Variants in EPHA4 observed in about 807,000 individuals in gnomAD.
EPHA4 encodes ephrin type-A receptor 4.
Under a neutral mutation model 108.3 loss-of-function variants are expected in EPHA4, and 19 were observed. That is an observed-to-expected ratio of 0.18 (90% confidence interval 0.12 to 0.26). The LOEUF is 0.26. EPHA4 is among the 10% of genes least tolerant of loss of function. EPHA4 has a pLI of 1.00. For missense variants in EPHA4, 917 were observed against 1,254.0 expected (o/e 0.73, Z 4.06); for synonymous variants, 449 against 455.5 (o/e 0.99, Z 0.18).
intron 5 of EPHA4, among the ~76,000 whole-genome samples, chr2:221,464,886 T>C (rs3770168): frequency 0.024 from 3,588 of 152,290 alleles, 91 homozygotes; most frequent in East Asian, 0.081. Flanking sequence ...TTGATTATTC[T>C]GAAATTGACA....
intron 13 of EPHA4, among the ~76,000 whole-genome samples, chr2:221,435,847 A>G (rs1010906259): frequency 2.6e-5 from 4 of 152,148 alleles, no homozygotes; most frequent in African/African-American, 9.7e-5. Context: ...TTTGGTAGCC[A>G]ACCAACTAGA....
chr2:221,535,974 C>T (rs1486315031), intron 3 of EPHA4, among the ~76,000 whole-genome samples: 2 of 152,188 alleles, frequency 1.3e-5, no homozygotes, highest in East Asian at 3.8e-4. Context: ...GTCTCTTCAA[C>T]CCCAGGGTGT....
intron 3 of EPHA4, among the ~76,000 whole-genome samples, chr2:221,512,705 T>C (rs1692865105): frequency 1.3e-5 from 2 of 152,360 alleles, no homozygotes; most frequent in South Asian, 4.1e-4. Context: ...AGCGTCATTA[T>C]GTAGAAATTT....
chr2:221,467,741 G>T (rs1257375374), intron 5 of EPHA4, among the ~76,000 whole-genome samples: 2 of 152,194 alleles, frequency 1.3e-5, no homozygotes, highest in African/African-American at 4.8e-5. Context: ...TGTCTTTGCT[G>T]CAGTTCAAGT....
chr2:221,536,561 T>C (rs1272138466), intron 3 of EPHA4, among the ~76,000 whole-genome samples: 2 of 152,312 alleles, frequency 1.3e-5, no homozygotes, highest in East Asian at 3.9e-4. Flanking sequence ...GAGGTAATAA[T>C]AAGTCCATGC....
At chr2:221,469,431 A>G (rs1691409625) in intron 5 of EPHA4, among the ~76,000 whole-genome samples, 2 of 152,188 alleles carry the variant, frequency 1.3e-5, no homozygotes. Flanking sequence ...CTCAGAGGAA[A>G]CCAACATTAG....
At chr2:221,544,125 G>A (rs1281662425) in intron 3 of EPHA4, among the ~76,000 whole-genome samples, 1 of 152,010 alleles carries the variant, frequency 6.6e-6, no homozygotes, top group Non-Finnish European at 1.5e-5. Flanking sequence ...CCAACCAAAG[G>A]CCCTACTTCC....
chr2:221,509,282 C>G (rs903596614), intron 3 of EPHA4, among the ~76,000 whole-genome samples: 5 of 152,202 alleles, frequency 3.3e-5, no homozygotes, highest in Non-Finnish European at 5.9e-5. Flanking sequence ...GAGCCGAGAT[C>G]GTGCCATTGC....
Position 221,564,405 on chromosome 2 carries a change from C to T in EPHA4, c.160-11G>A, listed in dbSNP as rs773568154. The stretch of plus-strand genomic sequence containing the variant: ...ACTCACTTCCTCCCACTGCAAAGAT[C>T]CAAAGCAGATGTATCAACTACAAAG... On this transcript the variant is annotated splice_polypyrimidine_tract_variant and intron_variant, in intron 2 of 17. Transcript: ENST00000281821. 1 of 1,599,618 alleles carries T rather than the reference C, an allele frequency of 6.3e-7. No individual in the cohort carries two copies. Among genetic ancestry groups the T allele is most frequent in the South Asian group, 1.1e-5 (1 of 90,072 alleles).
At chr2:221,509,996 A>G (rs956978639) in intron 3 of EPHA4, among the ~76,000 whole-genome samples, 1 of 152,222 alleles carries the variant, frequency 6.6e-6, no homozygotes, top group African/African-American at 2.4e-5. Flanking sequence ...AAATGAGATA[A>G]TACACAGGAG....
chr2:221,570,773 T>C (rs143114913), intron 1 of EPHA4, among the ~76,000 whole-genome samples: 32 of 151,726 alleles, frequency 2.1e-4, no homozygotes, highest in African/African-American at 7.7e-4. Context: ...GGTGGATGGA[T>C]GGATAGATGA....
chr2:221,444,609 A>C (rs1010295916), intron 9 of EPHA4, among the ~76,000 whole-genome samples: 5 of 152,152 alleles, frequency 3.3e-5, no homozygotes, highest in African/African-American at 1.2e-4. Flanking sequence ...TTTAAAAAAC[A>C]TGATTTTAGG....
chr2:221,523,194 G>A (rs1425741781), intron 3 of EPHA4, among the ~76,000 whole-genome samples: 1 of 152,114 alleles, frequency 6.6e-6, no homozygotes, highest in African/African-American at 2.4e-5. Context: ...AGTTACTGGG[G>A]CTCTCTATGT....
chr2:221,492,911 C>T (rs1317871637), intron 4 of EPHA4, among the ~76,000 whole-genome samples: 2 of 152,210 alleles, frequency 1.3e-5, no homozygotes, highest in Non-Finnish European at 2.9e-5. Context: ...TATACTATTA[C>T]ATTGCAAATT....
At chr2:221,458,837 T>A (rs1187200499) in intron 5 of EPHA4, among the ~76,000 whole-genome samples, 2 of 152,142 alleles carry the variant, frequency 1.3e-5, no homozygotes, top group Non-Finnish European at 2.9e-5. Context: ...CCATGCACAA[T>A]CTCCAGGGAG....
intron 3 of EPHA4, among the ~76,000 whole-genome samples, chr2:221,517,913 G>A (rs994516097): frequency 6.6e-6 from 1 of 152,296 alleles, no homozygotes; most frequent in East Asian, 1.9e-4. Flanking sequence ...GAAGCCAGCC[G>A]AGGGGCCAGC....
At chr2:221,527,079 G>A (rs1396621709) in intron 3 of EPHA4, among the ~76,000 whole-genome samples, 1 of 151,952 alleles carries the variant, frequency 6.6e-6, no homozygotes, top group Admixed American at 6.6e-5. Context: ...AGCCGAGATC[G>A]CGCCACTGCA....
upstream of EPHA4, chr2:221,572,339 A>AG: frequency 8.4e-7 from 1 of 1,196,402 alleles, no homozygotes; most frequent in Non-Finnish European, 1.2e-6. Context: ...GACATTGCCA[A>AG]GGGGGCGGGC....
chr2:221,421,319 A>G (rs576272002), intron 17 of EPHA4, among the ~76,000 whole-genome samples: 1 of 152,306 alleles, frequency 6.6e-6, no homozygotes, highest in East Asian at 1.9e-4. Context: ...AGAAAAGAAA[A>G]AAAAGAAAAA....
Sources: allele counts gnomAD v4.1 joint callset (sites outside exome capture counted in the v4.1 genomes callset), GRCh38; gene constraint gnomAD v4.1.1; transcripts MANE v1.5; gene names NCBI Gene and HGNC (gene_info 2026-07-23, HGNC 2026-07-21).